ZFP64: variants seen among roughly 807,000 people sequenced by gnomAD.
The protein encoded by ZFP64 is ZFP64 zinc finger protein, also known as zinc finger protein 64.
ZFP64 carries 14 observed loss-of-function variants against 51.6 expected under a neutral mutation model. The ratio of observed to expected loss-of-function variants is 0.27; its 90% CI spans 0.18 to 0.42. The LOEUF (loss-of-function observed/expected upper bound fraction) is 0.42. Ranked by LOEUF, ZFP64 falls within the 10% of genes least tolerant of loss-of-function variation. ZFP64 has a pLI of 1.00. For synonymous variants in ZFP64, 375 were observed against 361.4 expected, an observed-to-expected ratio of 1.04 and a Z score of -0.43; for missense variants, 754 against 906.8, an observed-to-expected ratio of 0.83 and a Z score of 2.16.
Position 52,151,334 on chromosome 20 carries a change from A to C in ZFP64, c.*812T>G. The C allele has an allele frequency of 2.0e-6, 2 of 985,412 alleles. No individual in the cohort carries two copies. Among genetic ancestry groups the C allele is most frequent in the South Asian group, 9.4e-5 (2 of 21,278 alleles). 61.0% of individuals were successfully genotyped at this position (985,412 alleles called of 1,614,324 possible). On this transcript the variant is annotated 3_prime_UTR_variant, in exon 6 of 6. Coordinates refer to ENST00000216923, the MANE Select transcript of ZFP64 (RefSeq NM_018197.3). ...AACCATTCATTTTCTGCTCATTAGC[A>C]CTAAACATTTTTTTTTGGGTCAAGT...
chr20:52,134,342 C>T (rs1353632830), intron 5 of ZFP64, among the ~76,000 whole-genome samples: 1 of 152,178 alleles, frequency 6.6e-6, no homozygotes, highest in African/African-American at 2.4e-5. Flanking sequence ...GAAGCCAAGC[C>T]TTCCACAGTA....
intron 5 of ZFP64, among the ~76,000 whole-genome samples, chr20:52,130,770 G>A (rs765460897): frequency 1.9e-4 from 29 of 152,074 alleles, no homozygotes; most frequent in Non-Finnish European, 1.9e-4. Flanking sequence ...TCTCCAGGGT[G>A]CCAAATTTAA....
chr20:52,133,183 CG>C (rs892153389), intron 5 of ZFP64, among the ~76,000 whole-genome samples: 21 of 152,058 alleles, frequency 1.4e-4, no homozygotes, highest in Admixed American at 6.6e-5. Context: ...CCTCAAAAAA[CG>C]GGGTGTCAAA....
intron 5 of ZFP64, among the ~76,000 whole-genome samples, chr20:52,141,749 C>A (rs1600745282): frequency 6.6e-6 from 1 of 152,180 alleles, no homozygotes; most frequent in East Asian, 1.9e-4. Context: ...TAAAATATTA[C>A]ATAGCCTTAG....
At chr20:52,158,830 T>C (rs1568685682) in intron 5 of ZFP64, among the ~76,000 whole-genome samples, 1 of 152,218 alleles carries the variant, frequency 6.6e-6, no homozygotes. Flanking sequence ...GACACCAGGA[T>C]GAAACATGTG....
At chr20:52,190,494 G>A (rs1231723629) in intron 1 of ZFP64, among the ~76,000 whole-genome samples, 2 of 152,026 alleles carry the variant, frequency 1.3e-5, no homozygotes, top group African/African-American at 2.4e-5. Flanking sequence ...GAAAAAACAC[G>A]GGCTTGTTAT....
intron 5 of ZFP64, among the ~76,000 whole-genome samples, chr20:52,128,463 T>G (rs1170146043): frequency 6.6e-6 from 1 of 152,140 alleles, no homozygotes; most frequent in African/African-American, 2.4e-5. Flanking sequence ...CCATAGCAAC[T>G]AACCTGAAAA....
At chr20:52,189,204 T>C (rs1231779701) in intron 1 of ZFP64, among the ~76,000 whole-genome samples, 1 of 152,030 alleles carries the variant, frequency 6.6e-6, no homozygotes, top group Non-Finnish European at 1.5e-5. Flanking sequence ...AAGACTATCC[T>C]GGCGAACATG....
At chr20:52,123,294 G>A (rs8183138) in intron 5 of ZFP64, among the ~76,000 whole-genome samples, 64,146 of 152,042 alleles carry the variant, frequency 0.42, 14,546 homozygotes, top group Admixed American at 0.51. Flanking sequence ...GGCATGAGCT[G>A]CTGCGCCCAG....
At chr20:52,098,613 A>G (rs371243195) in intron 5 of ZFP64, 122 of 1,613,714 alleles carry the variant, frequency 7.6e-5, no homozygotes, top group Non-Finnish European at 9.6e-5. Context: ...AGTTTTGCTT[A>G]GTTTCTCATT....
chr20:52,114,439 G>A (rs1189824501), intron 5 of ZFP64, among the ~76,000 whole-genome samples: 1 of 152,128 alleles, frequency 6.6e-6, no homozygotes, highest in Non-Finnish European at 1.5e-5. Flanking sequence ...CTCAAACTTT[G>A]ATGTACAGAG....
chr20:52,170,206 C>G (rs1164862946), intron 2 of ZFP64, among the ~76,000 whole-genome samples: 2 of 152,018 alleles, frequency 1.3e-5, no homozygotes, highest in South Asian at 4.2e-4. Flanking sequence ...AATCCCAGCA[C>G]TTTGGGAGCC....
chr20:52,187,169 A>T, intron 1 of ZFP64, 98 bp from the exon 2 acceptor site: 1 of 1,370,094 alleles, frequency 7.3e-7, no homozygotes, highest in Non-Finnish European at 9.9e-7. Context: ...ATGGTGGCAG[A>T]CATGGCTGGG....
chr20:52,156,165 G>A (rs1462075533), intron 5 of ZFP64, among the ~76,000 whole-genome samples: 3 of 152,284 alleles, frequency 2.0e-5, no homozygotes, highest in African/African-American at 4.8e-5. Context: ...GTTGGGCGTC[G>A]ATTATGCCAA....
chr20:52,121,079 T>C (rs957440643), intron 5 of ZFP64, among the ~76,000 whole-genome samples: 1 of 152,208 alleles, frequency 6.6e-6, no homozygotes, highest in Non-Finnish European at 1.5e-5. Flanking sequence ...GTGTGTGTTC[T>C]GACTGCTCCA....
chr20:52,166,300 C>G (rs540417632), intron 2 of ZFP64, among the ~76,000 whole-genome samples: 1 of 152,196 alleles, frequency 6.6e-6, no homozygotes, highest in Non-Finnish European at 1.5e-5. Context: ...GAGAAAAGCT[C>G]ATCTTGCTGC....
At chr20:52,123,878 G>GC (rs979709698) in intron 5 of ZFP64, among the ~76,000 whole-genome samples, 5 of 150,756 alleles carry the variant, frequency 3.3e-5, no homozygotes, top group African/African-American at 9.8e-5. Flanking sequence ...TTCTTTTTTG[G>GC]GGGGGGGAGG....
At chr20:52,108,391 A>G (rs1487814271) in intron 5 of ZFP64, among the ~76,000 whole-genome samples, 1 of 152,244 alleles carries the variant, frequency 6.6e-6, no homozygotes, top group Non-Finnish European at 1.5e-5. Flanking sequence ...AGTGAAAATG[A>G]TAAATGTGTT....
chr20:52,159,274 G>GT (rs1416266468), intron 5 of ZFP64, among the ~76,000 whole-genome samples: 1 of 152,172 alleles, frequency 6.6e-6, no homozygotes, highest in Non-Finnish European at 1.5e-5. Flanking sequence ...AATTTATTGA[G>GT]TTACCTACTC....
Sources: gnomAD v4.1 joint callset for allele counts (sites outside exome capture counted in the v4.1 genomes callset) on GRCh38, gnomAD v4.1.1 for gene constraint, MANE v1.5 for transcripts, NCBI Gene and HGNC (gene_info 2026-07-23, HGNC 2026-07-21) for gene names.